The following RARB variants were observed in gnomAD, a reference collection of about 807,000 sequenced individuals.
The protein encoded by RARB is retinoic acid receptor beta.
Under a neutral mutation model 51.9 loss-of-function variants are expected in RARB, and 17 were observed. That is an observed-to-expected ratio of 0.33 (90% CI 0.22 to 0.49). RARB has a LOEUF of 0.49. Ranked by LOEUF, RARB falls within the 20% of genes least tolerant of loss-of-function variation. The pLI, the probability that RARB is intolerant of heterozygous loss-of-function variation, is 0.99. For synonymous variants in RARB, 215 were observed against 195.4 expected (o/e 1.10, Z -0.84); for missense variants, 369 against 550.8 (o/e 0.67, Z 3.30).
intron 2 of RARB, among the ~76,000 whole-genome samples, chr3:25,015,992 G>T (rs1260645043): frequency 6.6e-6 from 1 of 152,138 alleles, no homozygotes; most frequent in Admixed American, 6.5e-5. Context: ...ACAAAAACTT[G>T]GAATGTATTA....
chr3:25,110,138 C>T (rs1385439786), intron 3 of RARB, among the ~76,000 whole-genome samples: 1 of 152,068 alleles, frequency 6.6e-6, no homozygotes, highest in African/African-American at 2.4e-5. Flanking sequence ...GTGGTATCCT[C>T]CAAAAAAATC....
intron 3 of RARB, among the ~76,000 whole-genome samples, chr3:25,072,610 G>A (rs1028690238): frequency 2.0e-5 from 3 of 152,154 alleles, no homozygotes; most frequent in Admixed American, 6.5e-5. Context: ...TGGAGGCCAC[G>A]GTCTGATGTA....
intron 2 of RARB, among the ~76,000 whole-genome samples, chr3:24,971,319 G>A (rs987252224): frequency 6.6e-6 from 1 of 151,928 alleles, no homozygotes; most frequent in Non-Finnish European, 1.5e-5. Flanking sequence ...CTTTTTCCTT[G>A]ATGTTTGGAC....
chr3:25,176,346 C>CTTTCTTTCTTTCT (rs1575197603), intron 5 of RARB, among the ~76,000 whole-genome samples: 8 of 48,160 alleles, frequency 1.7e-4, no homozygotes, highest in East Asian at 1.8e-3. Flanking sequence ...TCCTTCCTTC[C>CTTTCTTTCTTTCT]TTCCTTCCTT....
chr3:25,258,092 A>G (rs111438508), intron 5 of RARB, among the ~76,000 whole-genome samples: 1 of 152,106 alleles, frequency 6.6e-6, no homozygotes, highest in Non-Finnish European at 1.5e-5. Flanking sequence ...GTGCCACAGA[A>G]TACATGAATA....
chr3:25,100,101 C>A (rs1404033131), intron 3 of RARB, among the ~76,000 whole-genome samples: 1 of 152,158 alleles, frequency 6.6e-6, no homozygotes, highest in Non-Finnish European at 1.5e-5. Flanking sequence ...TTCATTCATT[C>A]ATCCCTGGAT....
intron 3 of RARB, among the ~76,000 whole-genome samples, chr3:25,514,739 G>C (rs1037776893): frequency 2.0e-5 from 3 of 152,128 alleles, no homozygotes; most frequent in African/African-American, 4.8e-5. Context: ...ACCCATTTAG[G>C]AGCCAGTCAT....
At chr3:24,971,706 G>C (rs920368726) in intron 2 of RARB, among the ~76,000 whole-genome samples, 2 of 152,000 alleles carry the variant, frequency 1.3e-5, no homozygotes, top group Non-Finnish European at 2.9e-5. Flanking sequence ...TTCTGGAACA[G>C]TAAGGATAAT....
At chr3:25,205,548 T>C (rs1336800244) in intron 5 of RARB, among the ~76,000 whole-genome samples, 1 of 152,094 alleles carries the variant, frequency 6.6e-6, no homozygotes, top group Non-Finnish European at 1.5e-5. Flanking sequence ...GAGCTGTTCG[T>C]ATTCGGCCAT....
At chr3:25,145,258 C>A (rs1221683399) in intron 4 of RARB, among the ~76,000 whole-genome samples, 1 of 152,172 alleles carries the variant, frequency 6.6e-6, no homozygotes, top group African/African-American at 2.4e-5. Flanking sequence ...CCTCCCTGTT[C>A]CCTTGACAGA....
intron 5 of RARB, among the ~76,000 whole-genome samples, chr3:25,254,456 C>G (rs751432976): frequency 6.6e-5 from 10 of 152,190 alleles, no homozygotes; most frequent in African/African-American, 2.4e-4. Flanking sequence ...TAGCATTCCA[C>G]TCTTGCTTTT....
intron 3 of RARB, among the ~76,000 whole-genome samples, chr3:25,513,843 T>C (rs956773985): frequency 4.6e-5 from 7 of 152,166 alleles, no homozygotes; most frequent in Non-Finnish European, 8.8e-5. Flanking sequence ...ACCAGATATC[T>C]GGTTTCAACC....
At position 24,838,728 on chromosome 3, in the gene RARB, G is replaced by A. The variant is rs370480256; in HGVS notation, c.-459+9325G>A. On this transcript the variant is annotated intron_variant, in intron 1 of 11. Transcript: ENST00000383772. ...GGATGGAACATTCAAATGCCTTCAGGAGTCAGGAGTCAAGAAGGGAGGTAG... is the reference window on the plus strand; with the variant it reads ...GGATGGAACATTCAAATGCCTTCAGAAGTCAGGAGTCAAGAAGGGAGGTAG... Among the ~76,000 whole-genome samples, 21 of 152,318 alleles carry A rather than the reference G, an allele frequency of 1.4e-4. No homozygotes were observed. The South Asian group carries it at 3.9e-3, about 29-fold the overall frequency.
intron 5 of RARB, among the ~76,000 whole-genome samples, chr3:25,411,438 C>G (rs988244003): frequency 2.0e-5 from 3 of 152,146 alleles, no homozygotes; most frequent in Non-Finnish European, 4.4e-5. Flanking sequence ...ATGTTAAAAC[C>G]ATACAAAAAA....
chr3:25,393,344 G>A (rs577439531), intron 5 of RARB, among the ~76,000 whole-genome samples: 162 of 151,934 alleles, frequency 1.1e-3, no homozygotes, highest in Non-Finnish European at 1.8e-3. Flanking sequence ...AGGGATATTG[G>A]TCTGTAGTTT....
At chr3:25,259,793 A>G (rs964918664) in intron 5 of RARB, among the ~76,000 whole-genome samples, 1 of 152,176 alleles carries the variant, frequency 6.6e-6, no homozygotes, top group Non-Finnish European at 1.5e-5. Context: ...TATTTTATGC[A>G]TGACCCAAAG....
At chr3:25,245,016 T>C (rs1179806004) in intron 5 of RARB, among the ~76,000 whole-genome samples, 1 of 152,246 alleles carries the variant, frequency 6.6e-6, no homozygotes, top group African/African-American at 2.4e-5. Context: ...ATATTTAGAA[T>C]AGTTAGCTCT....
In RARB at chr3:24,857,491, G is replaced by A. The variant is rs1309101758; in HGVS notation, c.-458-1183G>A. Among the ~76,000 whole-genome samples the A allele has an allele frequency of 2.0e-5, 3 of 152,308 alleles. No homozygotes were observed. In the East Asian group the frequency reaches 5.8e-4, roughly 29 times the overall value. On this transcript the variant is annotated intron_variant, in intron 1 of 11. Transcript: ENST00000383772. ...ATAATTATGTCCCCAATACAAATAT[G>A]TCTCAAATATTACATGGTAGATACA...
intron 2 of RARB, among the ~76,000 whole-genome samples, chr3:24,882,955 T>C (rs1175013085): frequency 6.6e-6 from 1 of 152,172 alleles, no homozygotes; most frequent in East Asian, 1.9e-4. Flanking sequence ...TCCTTATTTA[T>C]TCTCTTCTGA....
Sources: allele counts gnomAD v4.1 joint callset (sites outside exome capture counted in the v4.1 genomes callset), GRCh38; gene constraint gnomAD v4.1.1; transcripts MANE v1.5; gene names NCBI Gene and HGNC (gene_info 2026-07-23, HGNC 2026-07-21).